Variants in MAML1 observed in about 807,000 individuals in gnomAD.
MAML1 encodes the protein mastermind like transcriptional coactivator 1.
Under a neutral mutation model 77.1 loss-of-function variants are expected in MAML1, and 14 were observed. The ratio of observed to expected loss-of-function variants is 0.18; its 90% confidence interval spans 0.12 to 0.28. The LOEUF (loss-of-function observed/expected upper bound fraction) is 0.28. MAML1 is among the 10% of genes least tolerant of loss of function. MAML1 has a pLI of 1.00. For missense variants in MAML1, 1,217 were observed against 1,327.8 expected (o/e 0.92, Z 1.30); for synonymous variants, 516 against 551.9 (o/e 0.93, Z 0.91).
rs1779351608 is a variant in MAML1 at position 179,744,966 on chromosome 5, ATCTCGGC to A, written c.315+11542_315+11548del. Reference sequence around the variant, plus strand: ...GCCCAGGCTGGAGTGCAGTGGCACAATCTCGGCTCACTGCAAGCTCTGCCTCCCGTGT... The same window carrying A: ...GCCCAGGCTGGAGTGCAGTGGCACAATCACTGCAAGCTCTGCCTCCCGTGT... On this transcript the variant is annotated intron_variant, in intron 1 of 4. Coordinates refer to ENST00000292599, the MANE Select transcript of MAML1 (RefSeq NM_014757.5). Among the ~76,000 whole-genome samples, 3 of 151,686 alleles carry A rather than the reference ATCTCGGC, an allele frequency of 2.0e-5. No individual in the cohort carries two copies. In the South Asian group the frequency reaches 6.2e-4, roughly 32 times the overall value.
chr5:179,770,349 G>A (rs1315406401), intron 3 of MAML1, among the ~76,000 whole-genome samples: 2 of 152,156 alleles, frequency 1.3e-5, no homozygotes, highest in East Asian at 1.9e-4. Flanking sequence ...TCGGGAGGCC[G>A]AGGCAGGAGA....
chr5:179,738,117 G>A (rs950962180), intron 1 of MAML1, among the ~76,000 whole-genome samples: 31 of 152,106 alleles, frequency 2.0e-4, no homozygotes, highest in African/African-American at 7.2e-4. Flanking sequence ...TCTAAGTTTG[G>A]TACAAAGAAC....
rs1438168246 is a variant in MAML1, at chr5:179,768,940, A to C, written c.1822A>C (p.Ser608Arg). ...PAVSVASSHN[S>R]SPYLSSQQQA... is the part of the protein sequence containing the mutation. ...CGTGTCCGTGGCCAGCTCCCACAACAGCTCCCCCTATCTCAGCAGCCAGCA... is the reference window on the plus strand; with the variant it reads ...CGTGTCCGTGGCCAGCTCCCACAACCGCTCCCCCTATCTCAGCAGCCAGCA... The change falls in exon 3 of 5, where the codon AGC (serine) becomes CGC (arginine). Residue 608 changes from serine to arginine, a missense_variant. By Grantham distance (110) the Ser-to-Arg change is moderately radical (BLOSUM62 -1). This residue lies in a region of MAML1 where 884 missense variants were observed against 949.3 expected (regional missense o/e 0.93). Coordinates refer to ENST00000292599, the MANE Select transcript of MAML1 (RefSeq NM_014757.5). 1 of 1,614,180 alleles carries C rather than the reference A, an allele frequency of 6.2e-7. No homozygotes were observed. Among genetic ancestry groups the C allele is most frequent in the Admixed American group, 1.7e-5 (1 of 60,022 alleles).
rs769696943 is a variant in MAML1 at position 179,733,314 on chromosome 5, G to A, written c.202G>A (p.Ala68Thr). Reference sequence around the variant, plus strand: ...GCACCAGCGCTGCATCCAGGCCAAGGCCAAGCGCGCCGGGAAGCACAGGCA... The same window carrying A: ...GCACCAGCGCTGCATCCAGGCCAAGACCAAGCGCGCCGGGAAGCACAGGCA... ...ALHQRCIQAK[A>T]KRAGKHRQPP... The change falls in exon 1 of 5, where the codon GCC (alanine) becomes ACC (threonine). Residue 68 changes from alanine to threonine, a missense_variant. Physicochemically the swap from Ala to Thr is moderately conservative, Grantham distance 58. Around this residue, in one of 3 missense-constraint regions of MAML1, gnomAD observed 312 missense variants for 331.4 expected, o/e 0.94. Coordinates refer to ENST00000292599, the MANE Select transcript of MAML1 (RefSeq NM_014757.5). 2.1e-4 allele frequency: 299 copies of A among 1,392,426 alleles called. No homozygotes were observed. Among genetic ancestry groups the A allele is most frequent in the Non-Finnish European group, 2.7e-4 (288 of 1,066,332 alleles). The allele number at this position is 1,392,426 out of a possible 1,614,324, so 86.3% of individuals were successfully genotyped here.
chr5:179,747,715 CAGG>C (rs1020870205), intron 1 of MAML1, among the ~76,000 whole-genome samples: 4 of 137,928 alleles, frequency 2.9e-5, no homozygotes, highest in Admixed American at 2.5e-4. Context: ...GAGGCTGAGG[CAGG>C]AGAATGGCGT....
intron 1 of MAML1, among the ~76,000 whole-genome samples, chr5:179,761,767 G>A: frequency 6.6e-6 from 1 of 152,240 alleles, no homozygotes; most frequent in South Asian, 2.1e-4. Context: ...CAGGGAGAGA[G>A]GGAAAGGAAG....
Position 179,765,380 on chromosome 5 carries a change from G to A in MAML1, c.370G>A (p.Gly124Ser), listed in dbSNP as rs770161505. ...TGACAGCGCCACTTCCCCTCAGAAT[G>A]GCGATCAACAGAATGGCTACGGGGA... is the stretch of plus-strand genomic sequence containing the variant. The part of the protein sequence containing the change: ...NLDSATSPQN[G>S]DQQNGYGDLF... The change falls in exon 2 of 5, where the codon GGC becomes AGC. Residue 124 changes from glycine to serine, a missense_variant. Transcript: ENST00000292599. 79 of 1,612,720 alleles carry A rather than the reference G, an allele frequency of 4.9e-5. No individual in the cohort carries two copies. In the Middle Eastern group the frequency reaches 8.2e-4, roughly 17 times the overall value.
chr5:179,736,741 C>T (rs951366433), intron 1 of MAML1, among the ~76,000 whole-genome samples: 6 of 151,840 alleles, frequency 4.0e-5, no homozygotes, highest in Admixed American at 3.9e-4. Context: ...GTGGGTGGAT[C>T]GCCTGAGGTC....
At chr5:179,745,846 C>T (rs368174335) in intron 1 of MAML1, among the ~76,000 whole-genome samples, 2 of 115,818 alleles carry the variant, frequency 1.7e-5, no homozygotes, top group East Asian at 2.4e-4. Flanking sequence ...AGCGACAGAG[C>T]GCAACTCCGT....
chr5:179,771,207 C>A lies in MAML1; in HGVS notation c.2032C>A (p.Gln678Lys), dbSNP rs1034024869. 1.2e-6 allele frequency: 2 copies of A among 1,614,068 alleles called. No homozygotes were observed. The highest frequency in any genetic ancestry group is 1.7e-6 in the Non-Finnish European group (2 of 1,180,028). ...RPPPQYQDPT[Q>K]GSFPQQVGQF... The stretch of plus-strand genomic sequence containing the variant: ...ACCACCCCAGTACCAAGACCCGACA[C>A]AAGGCAGCTTCCCACAGCAGGTTGG... The change falls in exon 4 of 5, where the codon CAA (glutamine) becomes AAA (lysine). Residue 678 changes from glutamine to lysine, a missense_variant. Gln to Lys is a moderately conservative substitution (Grantham distance 53, BLOSUM62 1). This residue lies in a region of MAML1 where 884 missense variants were observed against 949.3 expected (regional missense o/e 0.93). Coordinates refer to ENST00000292599, the MANE Select transcript of MAML1 (RefSeq NM_014757.5). This position sits in a 1 kb window ranked among gnomAD's most constrained non-coding sequence, Gnocchi z 4.7.
chr5:179,772,815 C>T (rs911716029), intron 4 of MAML1, among the ~76,000 whole-genome samples: 2 of 152,200 alleles, frequency 1.3e-5, no homozygotes, highest in Non-Finnish European at 2.9e-5. Context: ...CCCTCATCTC[C>T]GTGACTGAAC....
intron 1 of MAML1, among the ~76,000 whole-genome samples, chr5:179,739,241 G>C (rs1009022879): frequency 2.0e-5 from 3 of 152,158 alleles, no homozygotes; most frequent in Non-Finnish European, 4.4e-5. Flanking sequence ...ATGCAGCTCA[G>C]CATGGTGGCT....
intron 1 of MAML1, among the ~76,000 whole-genome samples, chr5:179,764,127 G>C (rs1177478721): frequency 6.6e-6 from 1 of 152,056 alleles, no homozygotes; most frequent in East Asian, 1.9e-4. Flanking sequence ...TGAACTCCCA[G>C]GGTACTTACT....
chr5:179,744,050 T>G (rs1779334605), intron 1 of MAML1, among the ~76,000 whole-genome samples: 1 of 152,218 alleles, frequency 6.6e-6, no homozygotes, highest in South Asian at 2.1e-4. Context: ...TTTAAATTCC[T>G]TTTTCTCCTG....
chr5:179,756,457 C>T (rs1383094408), intron 1 of MAML1, among the ~76,000 whole-genome samples: 2 of 148,754 alleles, frequency 1.3e-5, no homozygotes, highest in African/African-American at 2.5e-5. Context: ...AAAAATTAGG[C>T]GGTCACCAGC....
In MAML1 at chr5:179,749,946, C is replaced by T. The variant is rs1779454381; in HGVS notation, c.316-15380C>T. On this transcript the variant is annotated intron_variant, in intron 1 of 4. Transcript: ENST00000292599. ...CTGACTATGCTGAGCCCTGTGTTTCCCAAAACTCCAAGATCTTGCTCACGA... is the reference window on the plus strand; with the variant it reads ...CTGACTATGCTGAGCCCTGTGTTTCTCAAAACTCCAAGATCTTGCTCACGA... 2.6e-5 allele frequency among the ~76,000 whole-genome samples: 4 copies of T among 152,206 alleles called. No homozygotes were observed. The South Asian group carries it at 8.3e-4, about 31-fold the overall frequency.
intron 1 of MAML1, among the ~76,000 whole-genome samples, chr5:179,757,394 C>G (rs532650879): frequency 2.1e-4 from 32 of 152,078 alleles, no homozygotes; most frequent in African/African-American, 7.7e-4. Flanking sequence ...ATGGTGAAAC[C>G]CCGTCTCTAC....
chr5:179,770,316 C>T lies in MAML1; in HGVS notation c.1972-831C>T, dbSNP rs1020791844. 2.6e-5 allele frequency among the ~76,000 whole-genome samples: 4 copies of T among 152,090 alleles called. No homozygotes were observed. In the East Asian group the frequency reaches 7.7e-4, roughly 29 times the overall value. On this transcript the variant is annotated intron_variant, in intron 3 of 4. Transcript: ENST00000292599. Reference sequence around the variant, plus strand: ...ACAAAAAATTAGCCAAGTGTGGTGACGGGCGCCTGTAGTCCCAGCTACTCG... The same window carrying T: ...ACAAAAAATTAGCCAAGTGTGGTGATGGGCGCCTGTAGTCCCAGCTACTCG...
chr5:179,752,476 C>G (rs1779513946), intron 1 of MAML1, among the ~76,000 whole-genome samples: 1 of 138,612 alleles, frequency 7.2e-6, no homozygotes, highest in Admixed American at 7.5e-5. Context: ...TTGGCACCAT[C>G]TGTTTCTTTT....
Sources: gnomAD v4.1 joint callset for allele counts (sites outside exome capture counted in the v4.1 genomes callset) on GRCh38, gnomAD v4.1.1 for gene constraint, gnomAD v4.1.1 regional missense constraint, Gnocchi (gnomAD v3.1) non-coding constraint, MANE v1.5 for transcripts, NCBI Gene and HGNC (gene_info 2026-07-23, HGNC 2026-07-21) for gene names.